GLIS3: variants seen among roughly 807,000 people sequenced by gnomAD.
GLIS3 encodes zinc finger protein GLIS3.
GLIS3 carries 53 observed loss-of-function variants against 78.6 expected under a neutral mutation model. That is an observed-to-expected ratio of 0.67 (90% CI 0.54 to 0.85). The LOEUF (loss-of-function observed/expected upper bound fraction) is 0.85, where lower values mean the gene tolerates loss of function less well. Ranked by LOEUF, GLIS3 falls within the 40% of genes least tolerant of loss-of-function variation. GLIS3 has a pLI of 0.00. For missense variants in GLIS3, 1,703 were observed against 1,231.1 expected (o/e 1.38, Z -5.74); for synonymous variants, 684 against 509.9 (o/e 1.34, Z -4.60).
chr9:4,158,343 A>G lies in GLIS3; in HGVS notation c.389-32402T>C, dbSNP rs533208886. ...TGATACATGTGTCCAAAGAGGGCAG[A>G]GGTCACAGTTACTGGGCTGTTACTG... is the stretch of plus-strand genomic sequence containing the variant. On this transcript the variant is annotated intron_variant, in intron 2 of 10. Transcript: ENST00000381971. 4.6e-5 allele frequency among the ~76,000 whole-genome samples: 7 copies of G among 152,330 alleles called. No homozygotes were observed. The South Asian group carries it at 1.5e-3, about 32-fold the overall frequency.
At chr9:4,473,369 C>G in the GLIS3 span, among the ~76,000 whole-genome samples, 3 of 150,112 alleles carry the variant, frequency 2.0e-5, no homozygotes, top group African/African-American at 7.3e-5. Flanking sequence ...TCGTTTGAAC[C>G]TGGGAGGCAG....
the GLIS3 span, among the ~76,000 whole-genome samples, chr9:4,411,179 T>G: frequency 6.6e-6 from 1 of 152,198 alleles, no homozygotes; most frequent in African/African-American, 2.4e-5. Flanking sequence ...TTTACATGTG[T>G]GATGTGATAA....
chr9:4,161,748 G>T (rs979996438), intron 2 of GLIS3, among the ~76,000 whole-genome samples: 3 of 138,146 alleles, frequency 2.2e-5, no homozygotes, highest in African/African-American at 8.3e-5. Flanking sequence ...CGCAATTCTC[G>T]GCTCACTGTA....
chr9:4,185,593 T>C (rs904790115), intron 2 of GLIS3, among the ~76,000 whole-genome samples: 1 of 151,298 alleles, frequency 6.6e-6, no homozygotes, highest in South Asian at 2.1e-4. Context: ...AGATGGCACA[T>C]TCAAATTACA....
At chr9:3,830,893 C>T (rs1038487600) in intron 9 of GLIS3, among the ~76,000 whole-genome samples, 2 of 152,158 alleles carry the variant, frequency 1.3e-5, no homozygotes, top group Non-Finnish European at 2.9e-5. Context: ...TTCTCATTTC[C>T]CATTAGGACC....
At chr9:4,052,333 A>G (rs1563989101) in intron 4 of GLIS3, among the ~76,000 whole-genome samples, 1 of 152,160 alleles carries the variant, frequency 6.6e-6, no homozygotes, top group Non-Finnish European at 1.5e-5. Context: ...TTTGTGGTAA[A>G]ATTCATGTTA....
At chr9:4,227,752 A>C (rs1228301340) in intron 2 of GLIS3, among the ~76,000 whole-genome samples, 1 of 152,236 alleles carries the variant, frequency 6.6e-6, no homozygotes, top group Non-Finnish European at 1.5e-5. Context: ...AAGTCAGGTG[A>C]AGCCAAGGAG....
chr9:4,214,701 G>A (rs1045307292), intron 2 of GLIS3, among the ~76,000 whole-genome samples: 9 of 152,156 alleles, frequency 5.9e-5, no homozygotes, highest in Non-Finnish European at 4.4e-5. Context: ...TCTTTCCTAA[G>A]ACCAAGGTTA....
At chr9:4,235,291 T>G (rs1343902803) in intron 2 of GLIS3, among the ~76,000 whole-genome samples, 2 of 91,008 alleles carry the variant, frequency 2.2e-5, no homozygotes, top group African/African-American at 9.4e-5. Flanking sequence ...ACAGTGAGAC[T>G]CTGTCTCAAA....
chr9:4,191,990 A>C (rs1018655985), intron 2 of GLIS3, among the ~76,000 whole-genome samples: 7 of 152,174 alleles, frequency 4.6e-5, no homozygotes, highest in Non-Finnish European at 1.0e-4. Context: ...GAGGTCTCTA[A>C]AATGTGTCTA....
chr9:4,207,963 C>A (rs10758570), intron 2 of GLIS3, among the ~76,000 whole-genome samples: 51,687 of 152,134 alleles, frequency 0.34, 9,078 homozygotes, highest in Non-Finnish European at 0.4. Flanking sequence ...CCTGGAACCA[C>A]GTTGGGGGTA....
chr9:4,060,138 G>A lies in GLIS3; in HGVS notation c.1710+57630C>T, dbSNP rs1375280855. Reference sequence around the variant, plus strand: ...AGCATTTTACTGAAAGATGTCTCAGGCAAGCTCTGAGTTTGGACATCCTAG... The same window carrying A: ...AGCATTTTACTGAAAGATGTCTCAGACAAGCTCTGAGTTTGGACATCCTAG... On this transcript the variant is annotated intron_variant, in intron 4 of 10. Coordinates refer to ENST00000381971, the MANE Select transcript of GLIS3 (RefSeq NM_001042413.2). Among the ~76,000 whole-genome samples the A allele has an allele frequency of 3.9e-5, 6 of 152,058 alleles. No individual in the cohort carries two copies. The South Asian group carries it at 6.2e-4, about 16-fold the overall frequency.
At chr9:4,388,274 G>C in the GLIS3 span, among the ~76,000 whole-genome samples, 1,047 of 152,224 alleles carry the variant, frequency 6.9e-3, 17 homozygotes, top group African/African-American at 0.024. Context: ...CATGATAATA[G>C]AAGTAAGTCT....
chr9:4,034,417 A>T (rs1306723609), intron 4 of GLIS3: 1 of 152,126 alleles, frequency 6.6e-6, no homozygotes, highest in Non-Finnish European at 1.5e-5. Flanking sequence ...ATTAGCAGAG[A>T]CCTGTAAGCA....
the GLIS3 span, among the ~76,000 whole-genome samples, chr9:4,411,508 C>G: frequency 6.6e-6 from 1 of 152,194 alleles, no homozygotes; most frequent in Non-Finnish European, 1.5e-5. Context: ...AGTAATCCCT[C>G]AGAATTTATC....
chr9:4,095,373 G>A (rs631573), intron 4 of GLIS3, among the ~76,000 whole-genome samples: 45,552 of 151,932 alleles, frequency 0.3, 7,552 homozygotes, highest in African/African-American at 0.44. Context: ...ACAACCACAG[G>A]ACCTACAAAT....
At chr9:4,395,769 CTTTTTTT>C in the GLIS3 span, among the ~76,000 whole-genome samples, 5 of 145,796 alleles carry the variant, frequency 3.4e-5, no homozygotes, top group African/African-American at 7.9e-5. Context: ...TTTCTTTTTT[CTTTTTTT>C]CTTTTTTTTT....
intron 4 of GLIS3, among the ~76,000 whole-genome samples, chr9:3,962,959 G>T (rs988767087): frequency 1.2e-4 from 16 of 134,358 alleles, no homozygotes; most frequent in East Asian, 6.0e-4. Context: ...GGGGGGGGGG[G>T]AGAGAGATTT....
At chr9:4,170,530 A>T (rs1017131061) in intron 2 of GLIS3, among the ~76,000 whole-genome samples, 23 of 152,202 alleles carry the variant, frequency 1.5e-4, no homozygotes, top group Non-Finnish European at 5.9e-5. Flanking sequence ...TGAGACAGTC[A>T]TCTAGGAGCA....
Sources: allele counts gnomAD v4.1 joint callset (sites outside exome capture counted in the v4.1 genomes callset), GRCh38; gene constraint gnomAD v4.1.1; transcripts MANE v1.5; gene names NCBI Gene and HGNC (gene_info 2026-07-23, HGNC 2026-07-21).